The following CNTNAP4 variants were observed in gnomAD, a reference collection of about 807,000 sequenced individuals.
The protein encoded by CNTNAP4 is contactin-associated protein-like 4.
A neutral mutation model predicts 148.4 loss-of-function variants in CNTNAP4; 98 were observed. The ratio of observed to expected loss-of-function variants is 0.66; its 90% CI spans 0.56 to 0.78. The LOEUF (loss-of-function observed/expected upper bound fraction) is 0.78. CNTNAP4 is among the 30% of genes least tolerant of loss of function. The pLI, the probability that CNTNAP4 is intolerant of heterozygous loss-of-function variation, is 0.00. For synonymous variants in CNTNAP4, 730 were observed against 565.1 expected (o/e 1.29, Z -4.14); for missense variants, 1,935 against 1,565.6 (o/e 1.24, Z -3.98).
At chr16:76,451,599 A>ATGTGTGTG (rs71134761) in intron 7 of CNTNAP4, among the ~76,000 whole-genome samples, 35,671 of 141,126 alleles carry the variant, frequency 0.25, 5,151 homozygotes, top group Non-Finnish European at 0.32. Flanking sequence ...TTTTAGATAG[A>ATGTGTGTG]TGTGTGTGTG....
intron 3 of CNTNAP4, among the ~76,000 whole-genome samples, chr16:76,372,779 A>C (rs1276343928): frequency 6.6e-6 from 1 of 152,212 alleles, no homozygotes; most frequent in African/African-American, 2.4e-5. Flanking sequence ...AAATGGACTA[A>C]TACATTGGCC....
At chr16:76,397,076 G>A (rs962732961) in intron 3 of CNTNAP4, among the ~76,000 whole-genome samples, 2 of 152,030 alleles carry the variant, frequency 1.3e-5, no homozygotes, top group Non-Finnish European at 2.9e-5. Flanking sequence ...AAGGATTCCA[G>A]CTTCTATTTG....
chr16:76,456,193 A>G (rs1270751118), intron 8 of CNTNAP4, among the ~76,000 whole-genome samples: 1 of 152,206 alleles, frequency 6.6e-6, no homozygotes, highest in Non-Finnish European at 1.5e-5. Context: ...TGCTTATTGC[A>G]ACACAGAGAA....
At chr16:76,353,362 A>T (rs1044661029) in intron 2 of CNTNAP4, among the ~76,000 whole-genome samples, 20 of 152,344 alleles carry the variant, frequency 1.3e-4, no homozygotes, top group African/African-American at 4.8e-4. Context: ...AAAGAATTTC[A>T]ACTTACTTAT....
intron 4 of CNTNAP4, among the ~76,000 whole-genome samples, chr16:76,428,002 A>T (rs2079472580): frequency 1.3e-5 from 2 of 152,178 alleles, no homozygotes; most frequent in South Asian, 4.1e-4. Context: ...ATGTTATGAA[A>T]CCAAAAAATA....
intron 1 of CNTNAP4, among the ~76,000 whole-genome samples, chr16:76,291,453 A>G (rs1959112373): frequency 6.6e-6 from 1 of 152,102 alleles, no homozygotes; most frequent in Admixed American, 6.5e-5. Context: ...CTAGTACCCA[A>G]GAGTTTCTGA....
chr16:76,309,807 A>T (rs1445566348), intron 1 of CNTNAP4: 1 of 699,424 alleles, frequency 1.4e-6, no homozygotes, highest in Non-Finnish European at 2.6e-6. Context: ...AGTAAGTGTC[A>T]TGAGATCTGA....
chr16:76,492,721 G>C (rs974575738), intron 13 of CNTNAP4, among the ~76,000 whole-genome samples: 1 of 152,134 alleles, frequency 6.6e-6, no homozygotes, highest in Non-Finnish European at 1.5e-5. Context: ...CTCTGTACAA[G>C]CTATCTTGCT....
chr16:76,483,231 AACACACACACACACACACACACAC>A (rs59206208), intron 12 of CNTNAP4, among the ~76,000 whole-genome samples: 1 of 140,112 alleles, frequency 7.1e-6, no homozygotes, highest in Admixed American at 7.1e-5. Flanking sequence ...AGTTTTAAGA[AACACACACACACACACACACACAC>A]ACACACACAC....
intron 12 of CNTNAP4, among the ~76,000 whole-genome samples, chr16:76,488,378 C>G (rs1347364934): frequency 6.6e-6 from 1 of 152,032 alleles, no homozygotes; most frequent in East Asian, 1.9e-4. Context: ...GGGGGAAATA[C>G]AAAAATAACA....
At chr16:76,411,032 G>A (rs1459564939) in intron 3 of CNTNAP4, among the ~76,000 whole-genome samples, 1 of 151,266 alleles carries the variant, frequency 6.6e-6, no homozygotes, top group Non-Finnish European at 1.5e-5. Context: ...ATACATTAAT[G>A]TACATCCATA....
intron 4 of CNTNAP4, among the ~76,000 whole-genome samples, chr16:76,434,021 G>A (rs1002947739): frequency 5.4e-5 from 8 of 149,162 alleles, no homozygotes; most frequent in Admixed American, 4.7e-4. Context: ...ATATATATAT[G>A]TGTGTGTGTG....
chr16:76,365,217 C>G (rs533473010), intron 3 of CNTNAP4, among the ~76,000 whole-genome samples: 1 of 152,112 alleles, frequency 6.6e-6, no homozygotes, highest in Non-Finnish European at 1.5e-5. Flanking sequence ...GGCCTCTGTT[C>G]TGTTCCCTTG....
At chr16:76,329,513 C>T (rs7188267) in intron 2 of CNTNAP4, among the ~76,000 whole-genome samples, 1 of 151,976 alleles carries the variant, frequency 6.6e-6, no homozygotes. Flanking sequence ...AGATGTGGTT[C>T]CATGAGAAAA....
At chr16:76,513,505 GT>G (rs1262131730) in intron 15 of CNTNAP4, among the ~76,000 whole-genome samples, 1 of 152,104 alleles carries the variant, frequency 6.6e-6, no homozygotes, top group Non-Finnish European at 1.5e-5. Flanking sequence ...ACTAAGTTCT[GT>G]ATGCAGGTAT....
intron 15 of CNTNAP4, among the ~76,000 whole-genome samples, chr16:76,511,771 G>A (rs1401859181): frequency 6.6e-6 from 1 of 151,286 alleles, no homozygotes; most frequent in Middle Eastern, 3.2e-3. Flanking sequence ...CCACTTGTGG[G>A]AAAGAGCAAA....
chr16:76,365,714 T>G (rs1484744909), intron 3 of CNTNAP4, among the ~76,000 whole-genome samples: 1 of 135,280 alleles, frequency 7.4e-6, no homozygotes, highest in Non-Finnish European at 1.5e-5. Context: ...ATCACGCCAC[T>G]GCACTCCTTC....
intron 1 of CNTNAP4, among the ~76,000 whole-genome samples, chr16:76,298,531 A>T (rs77567270): frequency 2.3e-3 from 236 of 104,056 alleles, no homozygotes; most frequent in African/African-American, 6.8e-3. Flanking sequence ...TGTGTGTGTG[A>T]GGTAAGGGGC....
intron 15 of CNTNAP4, among the ~76,000 whole-genome samples, chr16:76,517,836 T>A (rs891010466): frequency 1.3e-5 from 2 of 152,062 alleles, no homozygotes; most frequent in African/African-American, 4.8e-5. Flanking sequence ...TCGCTCCATC[T>A]CCCTAACCCT....
Sources: allele counts gnomAD v4.1 joint callset (sites outside exome capture counted in the v4.1 genomes callset), GRCh38; gene constraint gnomAD v4.1.1; transcripts MANE v1.5; gene names NCBI Gene and HGNC (gene_info 2026-07-23, HGNC 2026-07-21).